Variants in GPHN observed in about 807,000 individuals in gnomAD.
The protein encoded by GPHN is gephyrin.
Under a neutral mutation model 95.5 loss-of-function variants are expected in GPHN, and 17 were observed. That is an observed-to-expected ratio of 0.18 (90% CI 0.12 to 0.27). GPHN has a LOEUF of 0.27. Among genes scored for constraint, GPHN ranks in the 10% least tolerant of loss-of-function variants. GPHN has a pLI of 1.00. For missense variants in GPHN, 660 were observed against 978.1 expected (o/e 0.67, Z 4.34); for synonymous variants, 320 against 322.5 (o/e 0.99, Z 0.08).
At chr14:67,519,867 C>A in the GPHN span, among the ~76,000 whole-genome samples, 1 of 152,122 alleles carries the variant, frequency 6.6e-6, no homozygotes, top group Non-Finnish European at 1.5e-5. Context: ...GGACTACAGG[C>A]GTACGCCACC....
the GPHN span, among the ~76,000 whole-genome samples, chr14:67,696,509 T>C: frequency 2.6e-5 from 4 of 152,360 alleles, no homozygotes; most frequent in East Asian, 5.8e-4. Flanking sequence ...TCTTGAATTA[T>C]GGTGGCAACT....
intron 1 of GPHN, among the ~76,000 whole-genome samples, chr14:66,510,579 A>G (rs958702441): frequency 2.0e-5 from 3 of 152,362 alleles, no homozygotes; most frequent in African/African-American, 7.2e-5. Context: ...TAAATACATT[A>G]CCTATGAGTT....
At position 66,683,363 on chromosome 14, in the gene GPHN, T is replaced by TTC. The variant is rs1268406676; in HGVS notation, c.143+2178_143+2179insTC. 7.3e-4 allele frequency among the ~76,000 whole-genome samples: 77 copies of TTC among 105,474 alleles called. 20 individuals are homozygous for TTC. Among genetic ancestry groups the TTC allele is most frequent in the African/African-American group, 4.0e-3 (76 of 19,090 alleles). The allele number at this position is 105,474 out of a possible 152,430, so 69.2% of individuals were successfully genotyped here. A position where few individuals can be genotyped will look rare whatever the true frequency, so the allele number is the denominator to read the frequency against. Reference sequence around the variant, plus strand: ...ATATATATATATATATATATATATATATATATATATATATATGTTCATATA... The same window carrying TTC: ...ATATATATATATATATATATATATATTCATATATATATATATATGTTCATATA... On this transcript the variant is annotated intron_variant, in intron 2 of 22. Transcript: ENST00000478722.
chr14:67,543,560 T>C, the GPHN span, among the ~76,000 whole-genome samples: 39 of 152,336 alleles, frequency 2.6e-4, no homozygotes, highest in African/African-American at 9.1e-4. Flanking sequence ...GTCCTCTCAA[T>C]TGAAGTCTCC....
the GPHN span, among the ~76,000 whole-genome samples, chr14:67,612,938 C>T: frequency 1.8e-5 from 2 of 114,114 alleles, no homozygotes; most frequent in African/African-American, 6.6e-5. Context: ...GAGACTCTGT[C>T]TCAAAAAAAA....
At chr14:66,579,344 C>A (rs1430116028) in intron 1 of GPHN, among the ~76,000 whole-genome samples, 1 of 151,426 alleles carries the variant, frequency 6.6e-6, no homozygotes, top group East Asian at 1.9e-4. Context: ...AGTTGTATGT[C>A]TTTATCTATC....
the GPHN span, chr14:67,585,767 A>G: frequency 1.0e-6 from 1 of 982,980 alleles, no homozygotes; most frequent in Admixed American, 2.4e-5. Flanking sequence ...CCCTACCCCC[A>G]CTCCTGCCCA....
intron 1 of GPHN, among the ~76,000 whole-genome samples, chr14:66,658,883 CTTT>C (rs774854250): frequency 7.1e-6 from 1 of 141,526 alleles, no homozygotes; most frequent in African/African-American, 2.6e-5. Context: ...TTAGAGGCAG[CTTT>C]TTTTTTTTAA....
intron 8 of GPHN, among the ~76,000 whole-genome samples, chr14:66,963,560 T>G (rs533305469): frequency 1.3e-5 from 2 of 152,090 alleles, no homozygotes; most frequent in African/African-American, 4.8e-5. Flanking sequence ...ATATGAAGTA[T>G]AAAATGGGTA....
intron 1 of GPHN, among the ~76,000 whole-genome samples, chr14:66,640,045 T>C (rs1023996286): frequency 2.6e-4 from 40 of 152,152 alleles, no homozygotes; most frequent in Non-Finnish European, 4.9e-4. Flanking sequence ...ATAAAGAAGC[T>C]GAAACACCTA....
At chr14:67,513,576 C>T in the GPHN span, among the ~76,000 whole-genome samples, 12 of 152,230 alleles carry the variant, frequency 7.9e-5, no homozygotes. Context: ...CACAAAGCCC[C>T]TGATGGGGGC....
At chr14:66,609,286 C>T (rs1166294246) in intron 1 of GPHN, among the ~76,000 whole-genome samples, 4 of 152,100 alleles carry the variant, frequency 2.6e-5, no homozygotes, top group Non-Finnish European at 5.9e-5. Context: ...TCTCTTCTGG[C>T]TTGTAAGTTT....
the GPHN span, among the ~76,000 whole-genome samples, chr14:67,261,173 A>G: frequency 1.3e-5 from 2 of 152,212 alleles, no homozygotes; most frequent in Non-Finnish European, 2.9e-5. Flanking sequence ...TAAAGAAAAG[A>G]CAATAAAAAC....
chr14:66,612,719 C>T (rs1318783794), intron 1 of GPHN, among the ~76,000 whole-genome samples: 2 of 152,040 alleles, frequency 1.3e-5, no homozygotes, highest in Non-Finnish European at 2.9e-5. Flanking sequence ...TGCCTCTTTC[C>T]AGTCAGTCTT....
At chr14:66,970,188 T>G (rs2069658420) in intron 9 of GPHN, among the ~76,000 whole-genome samples, 1 of 151,936 alleles carries the variant, frequency 6.6e-6, no homozygotes, top group Non-Finnish European at 1.5e-5. Flanking sequence ...AAAATGTAGA[T>G]GTATTGAAAT....
the GPHN span, among the ~76,000 whole-genome samples, chr14:67,409,135 AG>A: frequency 6.6e-6 from 1 of 151,968 alleles, no homozygotes; most frequent in African/African-American, 2.4e-5. Flanking sequence ...CCCAGCTACT[AG>A]GGAGGCTGAG....
chr14:66,702,299 G>A (rs921660543), intron 2 of GPHN, among the ~76,000 whole-genome samples: 10 of 152,168 alleles, frequency 6.6e-5, no homozygotes, highest in Admixed American at 3.9e-4. Context: ...GACAATCTAA[G>A]TACTTCATTA....
chr14:67,685,605 G>A, the GPHN span, among the ~76,000 whole-genome samples: 6 of 151,520 alleles, frequency 4.0e-5, no homozygotes, highest in Admixed American at 6.6e-5. Flanking sequence ...TTACAGGCAT[G>A]AGCCACCACA....
chr14:66,860,567 G>A (rs187361106), intron 4 of GPHN, among the ~76,000 whole-genome samples: 1,828 of 152,104 alleles, frequency 0.012, 19 homozygotes, highest in Non-Finnish European at 0.018. Flanking sequence ...CTCACTGGTA[G>A]TAGTAAGCAC....
Sources: allele counts gnomAD v4.1 joint callset (sites outside exome capture counted in the v4.1 genomes callset), GRCh38; gene constraint gnomAD v4.1.1; transcripts MANE v1.5; gene names NCBI Gene and HGNC (gene_info 2026-07-23, HGNC 2026-07-21).